Variants in LGR4 observed in about 807,000 individuals in gnomAD.
LGR4 encodes leucine-rich repeat-containing G protein-coupled receptor 4.
LGR4 carries 44 observed loss-of-function variants against 84.8 expected under a neutral mutation model. The observed-to-expected ratio is 0.52, with a 90% CI of 0.41 to 0.67. LGR4 has a LOEUF of 0.67. LGR4 is among the 30% of genes least tolerant of loss of function. LGR4 has a pLI of 0.00. For missense variants in LGR4, 1,032 were observed against 1,131.4 expected (o/e 0.91, Z 1.26); for synonymous variants, 429 against 434.3 (o/e 0.99, Z 0.15).
intron 2 of LGR4, among the ~76,000 whole-genome samples, chr11:27,394,005 G>A (rs1450952815): frequency 6.7e-6 from 1 of 149,076 alleles, no homozygotes; most frequent in African/African-American, 2.5e-5. Context: ...GAAACCAAAG[G>A]GGTAAGTATG....
chr11:27,462,878 G>T (rs916324222), intron 1 of LGR4, among the ~76,000 whole-genome samples: 8 of 151,334 alleles, frequency 5.3e-5, no homozygotes, highest in African/African-American at 1.9e-4. Context: ...TTAAAAAAAA[G>T]AAAAAGAAAG....
chr11:27,409,516 C>T (rs146274992), intron 2 of LGR4, among the ~76,000 whole-genome samples: 21 of 152,146 alleles, frequency 1.4e-4, no homozygotes, highest in African/African-American at 4.3e-4. Flanking sequence ...TCTGTGTTCC[C>T]GGTCTCAGCA....
Position 27,385,445 on chromosome 11 carries a change from G to A in LGR4, c.425C>T (p.Thr142Ile). The A allele has an allele frequency of 6.2e-7, 1 of 1,605,612 alleles. No individual in the cohort carries two copies. Among genetic ancestry groups the A allele is most frequent in the Non-Finnish European group, 8.5e-7 (1 of 1,176,330 alleles). Residue 142 changes from threonine to isoleucine, a missense_variant, in exon 5 of 18, where the codon ACC (threonine) becomes ATC (isoleucine). Physicochemically the swap from Thr to Ile is moderately conservative, Grantham distance 89. Coordinates refer to ENST00000379214, the MANE Select transcript of LGR4 (RefSeq NM_018490.5). ...TTCAAAACTGTCCTCGGGGACTGAG[G>A]TAATATGGTTGGCATCTAAACGCCT... ...QSLRLDANHI[T>I]SVPEDSFEGL...
chr11:27,455,406 T>C (rs1471814564), intron 1 of LGR4, among the ~76,000 whole-genome samples: 1 of 152,208 alleles, frequency 6.6e-6, no homozygotes, highest in Non-Finnish European at 1.5e-5. Context: ...AACAAGAATT[T>C]GGTGTTATGA....
chr11:27,396,996 AT>A (rs1322156730), intron 2 of LGR4, among the ~76,000 whole-genome samples: 1 of 151,742 alleles, frequency 6.6e-6, no homozygotes, highest in East Asian at 1.9e-4. Context: ...TTATCACCTG[AT>A]TTTTTTTCCT....
At chr11:27,416,550 C>T (rs989394322) in intron 1 of LGR4, among the ~76,000 whole-genome samples, 2 of 152,080 alleles carry the variant, frequency 1.3e-5, no homozygotes, top group African/African-American at 4.8e-5. Context: ...CCTTTGTTGG[C>T]CTTCTCAGAA....
chr11:27,376,159 A>C, intron 13 of LGR4, 140 bp downstream of exon 13: 1 of 493,058 alleles, frequency 2.0e-6, no homozygotes, highest in Non-Finnish European at 3.5e-6. Context: ...TGTATTTAGT[A>C]GAGATGGGGT....
intron 2 of LGR4, among the ~76,000 whole-genome samples, chr11:27,403,774 C>T (rs1481061912): frequency 6.6e-6 from 1 of 152,150 alleles, no homozygotes; most frequent in Non-Finnish European, 1.5e-5. Flanking sequence ...ATTTAAAAAA[C>T]AGTATCCACT....
In LGR4 at chr11:27,472,400, T is replaced by G. The variant is rs1864896750; in HGVS notation, c.-98A>C. On this transcript the variant is annotated 5_prime_UTR_variant, in exon 1 of 18. Transcript: ENST00000379214. ...GCCCCCGGGCAGCCGGCCTGCGGGC[T>G]GGAGCGGGGGTCTCTTCCTCGGCGG... 1.0e-6 allele frequency: 1 copy of G among 991,866 alleles called. No homozygotes were observed. Among genetic ancestry groups the G allele is most frequent in the Admixed American group, 4.5e-5 (1 of 22,384 alleles). 61.4% of individuals were successfully genotyped at this position (991,866 alleles called of 1,614,324 possible).
Position 27,380,998 on chromosome 11 carries a change from G to A in LGR4, c.759-32C>T, listed in dbSNP as rs759818199. The A allele has an allele frequency of 5.9e-6, 7 of 1,191,510 alleles. No homozygotes were observed. In the African/African-American group the frequency reaches 1.1e-4, roughly 18 times the overall value. The allele number at this position is 1,191,510 out of a possible 1,614,324, so 73.8% of individuals were successfully genotyped here. ...AGATAGGAGAAAAGTATTTTGAAAT[G>A]CATTATCCTCTTGCGAAATAAAACC... On this transcript the variant is annotated intron_variant, in intron 7 of 17. Transcript: ENST00000379214.
rs1436810231 is a variant in LGR4 at position 27,378,783 on chromosome 11, T to G, written c.972-15A>C. 1.3e-6 allele frequency: 2 copies of G among 1,585,614 alleles called. No individual in the cohort carries two copies. The highest frequency in any genetic ancestry group is 2.3e-5 in the South Asian group (2 of 88,722). On this transcript the variant is annotated splice_polypyrimidine_tract_variant and intron_variant, in intron 10 of 17. Coordinates refer to ENST00000379214, the MANE Select transcript of LGR4 (RefSeq NM_018490.5). ...CTGTCAAAGTCCTGCGGAAAAACATTATTCATGTAAGAAATAATTCAACTC... is the reference window on the plus strand; with the variant it reads ...CTGTCAAAGTCCTGCGGAAAAACATGATTCATGTAAGAAATAATTCAACTC...
intron 1 of LGR4, among the ~76,000 whole-genome samples, chr11:27,422,112 T>C (rs187858984): frequency 6.6e-6 from 1 of 152,292 alleles, no homozygotes; most frequent in Non-Finnish European, 1.5e-5. Context: ...CAAAATACTA[T>C]TTCAATAGTC....
chr11:27,448,582 G>A (rs995824086), intron 1 of LGR4, among the ~76,000 whole-genome samples: 8 of 152,070 alleles, frequency 5.3e-5, no homozygotes, highest in Admixed American at 6.5e-5. Context: ...GTGAGCCACC[G>A]CGCCCTGCCT....
At chr11:27,443,957 T>G (rs970977512) in intron 1 of LGR4, among the ~76,000 whole-genome samples, 1 of 152,036 alleles carries the variant, frequency 6.6e-6, no homozygotes, top group East Asian at 1.9e-4. Context: ...GCCAATGGGG[T>G]GGAATAACAA....
intron 7 of LGR4, among the ~76,000 whole-genome samples, chr11:27,381,303 G>A (rs1863087896): frequency 6.6e-6 from 1 of 152,138 alleles, no homozygotes; most frequent in Admixed American, 6.5e-5. Context: ...TCTTGGCAAT[G>A]CATCTTAGAA....
At position 27,390,673 on chromosome 11, in the gene LGR4, G is replaced by A. The variant is rs1480590274; in HGVS notation, c.401+421C>T. ...TGAAGAATACTTTTTCATTTTTTCC[G>A]AGAAGTTCCCTTGACAAAATTGAGG... On this transcript the variant is annotated intron_variant, in intron 4 of 17. Transcript: ENST00000379214. 2.0e-5 allele frequency among the ~76,000 whole-genome samples: 3 copies of A among 152,200 alleles called. No individual in the cohort carries two copies. The East Asian group carries it at 5.8e-4, about 29-fold the overall frequency.
chr11:27,390,195 A>T (rs1863257204), intron 4 of LGR4, among the ~76,000 whole-genome samples: 1 of 152,084 alleles, frequency 6.6e-6, no homozygotes, highest in Non-Finnish European at 1.5e-5. Flanking sequence ...AACTGATGGG[A>T]CAAGCAGCTC....
At position 27,415,227 on chromosome 11, in the gene LGR4, G is replaced by A. The variant is rs574200414; in HGVS notation, c.186-2367C>T. On this transcript the variant is annotated intron_variant, in intron 1 of 17. Coordinates refer to ENST00000379214, the MANE Select transcript of LGR4 (RefSeq NM_018490.5). ...CAGTCATTCTAATAAAAAGAGGAAGGACAACAAGAATTGATTGCTTTACAA... is the reference window on the plus strand; with the variant it reads ...CAGTCATTCTAATAAAAAGAGGAAGAACAACAAGAATTGATTGCTTTACAA... 1.5e-4 allele frequency among the ~76,000 whole-genome samples: 23 copies of A among 152,176 alleles called. 1 individual carries two copies. The highest frequency in any genetic ancestry group is 1.2e-3 in the South Asian group (6 of 4,818).
chr11:27,406,487 A>G (rs941270762), intron 2 of LGR4, among the ~76,000 whole-genome samples: 3 of 152,152 alleles, frequency 2.0e-5, no homozygotes, highest in African/African-American at 7.2e-5. Flanking sequence ...AATGGGAATA[A>G]TGATAGCTCA....
Sources: allele counts gnomAD v4.1 joint callset (sites outside exome capture counted in the v4.1 genomes callset), GRCh38; gene constraint gnomAD v4.1.1; transcripts MANE v1.5; gene names NCBI Gene and HGNC (gene_info 2026-07-23, HGNC 2026-07-21).